The following LINGO2 variants were observed in gnomAD, a reference collection of about 807,000 sequenced individuals.
LINGO2 encodes the protein leucine rich repeat and Ig domain containing 2, also known as leucine-rich repeat and immunoglobulin-like domain-containing nogo receptor-interacting protein 2.
LINGO2 carries 14 observed loss-of-function variants against 30.6 expected under a neutral mutation model. The ratio of observed to expected loss-of-function variants is 0.46; its 90% confidence interval spans 0.30 to 0.72. The LOEUF (loss-of-function observed/expected upper bound fraction) is 0.72, where lower values mean the gene tolerates loss of function less well. Among genes scored for constraint, LINGO2 ranks in the 30% least tolerant of loss-of-function variants. The pLI, the probability that LINGO2 is intolerant of heterozygous loss-of-function variation, is 0.07. For synonymous variants in LINGO2, 317 were observed against 288.5 expected, an observed-to-expected ratio of 1.10 and a Z score of -1.00; for missense variants, 729 against 751.7, an observed-to-expected ratio of 0.97 and a Z score of 0.35.
At chr9:28,712,013 C>G in the LINGO2 span, among the ~76,000 whole-genome samples, 1 of 152,044 alleles carries the variant, frequency 6.6e-6, no homozygotes, top group Non-Finnish European at 1.5e-5. Flanking sequence ...CATTGGATTA[C>G]AGCAGTATAG....
the LINGO2 span, among the ~76,000 whole-genome samples, chr9:28,993,546 G>T: frequency 2.6e-5 from 4 of 151,488 alleles, no homozygotes; most frequent in South Asian, 2.1e-4. Flanking sequence ...TACCAAAGCC[G>T]GGCAGAGACA....
intron 1 of LINGO2, among the ~76,000 whole-genome samples, chr9:28,485,705 G>A (rs1826141777): frequency 6.6e-6 from 1 of 151,946 alleles, no homozygotes; most frequent in African/African-American, 2.4e-5. Context: ...CCTGAAACAT[G>A]GTTGCTGAAA....
At chr9:28,218,970 C>T (rs1203057386) in intron 4 of LINGO2, among the ~76,000 whole-genome samples, 1 of 152,140 alleles carries the variant, frequency 6.6e-6, no homozygotes, top group Non-Finnish European at 1.5e-5. Context: ...GCTTGGATAA[C>T]CTGAAACTTG....
chr9:28,677,052 G>A, the LINGO2 span, among the ~76,000 whole-genome samples: 3 of 151,992 alleles, frequency 2.0e-5, no homozygotes, highest in African/African-American at 7.2e-5. Context: ...CCGTATGCTA[G>A]GCACTGTTCT....
chr9:28,456,490 C>A (rs1209573672), intron 2 of LINGO2, among the ~76,000 whole-genome samples: 4 of 152,062 alleles, frequency 2.6e-5, no homozygotes, highest in Non-Finnish European at 5.9e-5. Flanking sequence ...GAAAGAGTAC[C>A]AAAAGAGAAA....
chr9:28,396,370 T>A (rs190821660), intron 2 of LINGO2, among the ~76,000 whole-genome samples: 1 of 152,224 alleles, frequency 6.6e-6, no homozygotes, highest in Admixed American at 6.5e-5. Context: ...TTATGTGTGA[T>A]ACTTGGAGTT....
At chr9:28,066,901 C>G (rs904483336) in intron 4 of LINGO2, among the ~76,000 whole-genome samples, 7 of 151,928 alleles carry the variant, frequency 4.6e-5, no homozygotes, top group African/African-American at 1.5e-4. Flanking sequence ...CTTAGTGAAG[C>G]AATTTCTTCT....
chr9:28,376,733 T>C (rs1013972901), intron 2 of LINGO2, among the ~76,000 whole-genome samples: 4 of 152,168 alleles, frequency 2.6e-5, no homozygotes, highest in African/African-American at 9.7e-5. Context: ...AAAACCTCTG[T>C]CTTAGAGTTT....
At chr9:28,706,665 C>A in the LINGO2 span, among the ~76,000 whole-genome samples, 1 of 152,092 alleles carries the variant, frequency 6.6e-6, no homozygotes. Context: ...ACATTGAAAT[C>A]TGTTGAAGTT....
At chr9:28,962,177 T>C in the LINGO2 span, among the ~76,000 whole-genome samples, 7 of 152,224 alleles carry the variant, frequency 4.6e-5, no homozygotes, top group Non-Finnish European at 8.8e-5. Context: ...CCTAAAAAGA[T>C]TAGCCAATGT....
At chr9:28,072,903 G>A (rs898808164) in intron 4 of LINGO2, among the ~76,000 whole-genome samples, 2 of 151,892 alleles carry the variant, frequency 1.3e-5, no homozygotes, top group South Asian at 2.1e-4. Context: ...TGCCATCTGC[G>A]GTTTTCTCTC....
chr9:28,495,456 C>G (rs1258915000), intron 1 of LINGO2, among the ~76,000 whole-genome samples: 1 of 152,138 alleles, frequency 6.6e-6, no homozygotes, highest in East Asian at 1.9e-4. Context: ...TTCCCCAGCA[C>G]CATTTATTAA....
chr9:28,710,385 C>T, the LINGO2 span, among the ~76,000 whole-genome samples: 8 of 151,900 alleles, frequency 5.3e-5, no homozygotes, highest in Non-Finnish European at 1.0e-4. Context: ...TTTGTTATAG[C>T]GACCCAAATG....
intron 4 of LINGO2, among the ~76,000 whole-genome samples, chr9:28,046,962 A>G (rs1202281503): frequency 1.3e-5 from 2 of 152,138 alleles, no homozygotes; most frequent in African/African-American, 4.8e-5. Context: ...TAGCACAGTG[A>G]GATGGGAGAA....
the LINGO2 span, among the ~76,000 whole-genome samples, chr9:28,861,549 TG>T: frequency 1.3e-5 from 2 of 150,302 alleles, no homozygotes; most frequent in Admixed American, 1.3e-4. Context: ...CACTCAAGCA[TG>T]AGTATCTAGT....
At chr9:28,718,442 C>A in the LINGO2 span, among the ~76,000 whole-genome samples, 467 of 152,106 alleles carry the variant, frequency 3.1e-3, 4 homozygotes, top group Admixed American at 9.8e-3. Flanking sequence ...CCAAACATTG[C>A]TATCATACCA....
intron 1 of LINGO2, among the ~76,000 whole-genome samples, chr9:28,569,430 T>TAC (rs1823562655): frequency 6.6e-6 from 1 of 151,396 alleles, no homozygotes; most frequent in Non-Finnish European, 1.5e-5. Flanking sequence ...AGGTGATATA[T>TAC]ATATGATGGA....
chr9:28,498,306 C>T (rs1004557366), intron 1 of LINGO2, among the ~76,000 whole-genome samples: 5 of 152,172 alleles, frequency 3.3e-5, no homozygotes, highest in African/African-American at 1.2e-4. Flanking sequence ...TGGGCTCCAT[C>T]CAGTTCGAGC....
At chr9:28,051,066 T>TA (rs1824649523) in intron 4 of LINGO2, among the ~76,000 whole-genome samples, 1 of 150,894 alleles carries the variant, frequency 6.6e-6, no homozygotes. Flanking sequence ...AGCTAACTCC[T>TA]TTCTCCAAGG....
Sources: allele counts gnomAD v4.1 joint callset (sites outside exome capture counted in the v4.1 genomes callset), GRCh38; gene constraint gnomAD v4.1.1; transcripts MANE v1.5; gene names NCBI Gene and HGNC (gene_info 2026-07-23, HGNC 2026-07-21).